The following IL1RAPL1 variants were observed in gnomAD, a reference collection of about 807,000 sequenced individuals.
The protein encoded by IL1RAPL1 is interleukin 1 receptor accessory protein like 1.
In IL1RAPL1, 3 loss-of-function variants were observed where a neutral mutation model predicts 48.4. The ratio of observed to expected loss-of-function variants is 0.06; its 90% CI spans 0.03 to 0.16. The LOEUF is 0.16. Ranked by LOEUF, IL1RAPL1 falls within the 10% of genes least tolerant of loss-of-function variation. IL1RAPL1 has a pLI of 1.00. For missense variants in IL1RAPL1, 349 were observed against 530.6 expected, an observed-to-expected ratio of 0.66 and a Z score of 3.36; for synonymous variants, 185 against 187.7, an observed-to-expected ratio of 0.99 and a Z score of 0.12.
chrX:29,703,342 GTTTA>G (rs1249481870), intron 6 of IL1RAPL1, among the ~76,000 whole-genome samples: 6 of 110,253 alleles, frequency 5.4e-5, no homozygotes, highest in Non-Finnish European at 7.6e-5. Context: ...ATTTTCATTT[GTTTA>G]TTTATTTATT....
chrX:29,458,027 G>C (rs1189160116), intron 5 of IL1RAPL1, among the ~76,000 whole-genome samples: 1 of 111,850 alleles, frequency 8.9e-6, no homozygotes. Flanking sequence ...TGATCCACCT[G>C]CCTCAGCCTC....
At chrX:28,948,462 C>T (rs1213748162) in intron 2 of IL1RAPL1, among the ~76,000 whole-genome samples, 1 of 110,324 alleles carries the variant, frequency 9.1e-6, no homozygotes, top group Non-Finnish European at 1.9e-5. Flanking sequence ...AGGATTGAAC[C>T]CCATGCAGAG....
chrX:29,253,942 A>G (rs1931710452), intron 2 of IL1RAPL1, among the ~76,000 whole-genome samples: 1 of 111,884 alleles, frequency 8.9e-6, no homozygotes, highest in Non-Finnish European at 1.9e-5. Flanking sequence ...AATATTAATG[A>G]AAGTCACATT....
chrX:29,757,494 G>A (rs981546653), intron 6 of IL1RAPL1, among the ~76,000 whole-genome samples: 1 of 112,091 alleles, frequency 8.9e-6, no homozygotes. Context: ...TGATCCAAGG[G>A]TTAAGCAACA....
chrX:29,640,325 A>C (rs1925128335), intron 5 of IL1RAPL1, among the ~76,000 whole-genome samples: 1 of 111,520 alleles, frequency 9.0e-6, no homozygotes, highest in African/African-American at 3.3e-5. Context: ...TCAATCCCAG[A>C]GTGGGGCCCT....
intron 2 of IL1RAPL1, among the ~76,000 whole-genome samples, chrX:29,250,639 T>G (rs2147573106): frequency 8.9e-6 from 1 of 111,864 alleles, no homozygotes; most frequent in Non-Finnish European, 1.9e-5. Context: ...TTTTTCATTG[T>G]ATCATTAAAA....
intron 2 of IL1RAPL1, among the ~76,000 whole-genome samples, chrX:29,016,686 G>T (rs1357605331): frequency 9.0e-6 from 1 of 111,350 alleles, no homozygotes; most frequent in East Asian, 2.8e-4. Context: ...AAGTTTGTGT[G>T]TGTGTAGGTT....
intron 2 of IL1RAPL1, among the ~76,000 whole-genome samples, chrX:28,899,019 G>C (rs1431160762): frequency 1.8e-5 from 2 of 111,398 alleles, no homozygotes; most frequent in African/African-American, 6.5e-5. Flanking sequence ...AAAGGAAAGA[G>C]GTTTAATGAC....
At chrX:29,490,360 C>T (rs892311115) in intron 5 of IL1RAPL1, among the ~76,000 whole-genome samples, 8 of 110,032 alleles carry the variant, frequency 7.3e-5, no homozygotes, top group African/African-American at 2.0e-4. Context: ...GGCAAAACCC[C>T]GTGTCTACAA....
chrX:29,908,375 AATAT>A (rs71761547), intron 6 of IL1RAPL1, among the ~76,000 whole-genome samples: 1,767 of 102,206 alleles, frequency 0.017, 45 homozygotes, highest in African/African-American at 0.06. Flanking sequence ...CCATTTCAAA[AATAT>A]ATATATATAT....
chrX:29,582,536 C>T (rs1431343881), intron 5 of IL1RAPL1, among the ~76,000 whole-genome samples: 8 of 83,489 alleles, frequency 9.6e-5, no homozygotes, highest in Non-Finnish European at 1.6e-4. Context: ...AATGCTATCC[C>T]TCCCCGCTCC....
intron 5 of IL1RAPL1, among the ~76,000 whole-genome samples, chrX:29,457,072 T>G (rs1030377542): frequency 1.8e-5 from 2 of 110,279 alleles, no homozygotes; most frequent in Non-Finnish European, 3.8e-5. Context: ...AGATCTAGTT[T>G]GCAGTGAGCC....
At chrX:29,289,085 G>A (rs1932332417) in intron 3 of IL1RAPL1, among the ~76,000 whole-genome samples, 1 of 110,514 alleles carries the variant, frequency 9.0e-6, no homozygotes, top group Admixed American at 9.6e-5. Context: ...TGGACAGATT[G>A]CAAAAATTTT....
chrX:28,747,180 AC>A (rs1187891530), intron 1 of IL1RAPL1, among the ~76,000 whole-genome samples: 1 of 110,952 alleles, frequency 9.0e-6, no homozygotes, highest in Non-Finnish European at 1.9e-5. Context: ...ATACATTGTT[AC>A]CCCTCCCATT....
Position 29,803,301 on chromosome X carries a change from ATATACACACATGTATATATGTATACATG to A in IL1RAPL1, c.779-114154_779-114127del, listed in dbSNP as rs1569174106. Among the ~76,000 whole-genome samples the A allele has an allele frequency of 1.0e-4, 2 of 19,672 alleles. 1 individual carries two copies. Among genetic ancestry groups the A allele is most frequent in the Non-Finnish European group, 2.0e-4 (2 of 9,761 alleles). The allele number at this position is 19,672 out of a possible 115,157, so 17.1% of individuals were successfully genotyped here. A position where few individuals can be genotyped will look rare whatever the true frequency, so the allele number is the denominator to read the frequency against. On this transcript the variant is annotated intron_variant, in intron 6 of 10. Coordinates refer to ENST00000378993, the MANE Select transcript of IL1RAPL1 (RefSeq NM_014271.4). ...TATACACACATGTATATATGTATACATATACACACATGTATATATGTATACATGTATACACATATGTATATATGTATAC... is the reference window on the plus strand; with the variant it reads ...TATACACACATGTATATATGTATACATATACACATATGTATATATGTATAC...
At chrX:28,756,214 C>T (rs1399757126) in intron 1 of IL1RAPL1, among the ~76,000 whole-genome samples, 2 of 111,751 alleles carry the variant, frequency 1.8e-5, no homozygotes, top group Non-Finnish European at 3.8e-5. Context: ...TTTTTACAGA[C>T]GTTTCTTGTT....
intron 5 of IL1RAPL1, among the ~76,000 whole-genome samples, chrX:29,537,884 T>C (rs1921289868): frequency 9.0e-6 from 1 of 111,711 alleles, no homozygotes; most frequent in South Asian, 3.7e-4. Flanking sequence ...GCAAAACCGA[T>C]TTCTTAATGC....
intron 2 of IL1RAPL1, among the ~76,000 whole-genome samples, chrX:29,250,825 G>C (rs922185449): frequency 9.0e-6 from 1 of 111,266 alleles, no homozygotes; most frequent in Non-Finnish European, 1.9e-5. Context: ...TTACAGAATC[G>C]TAGGACTCCA....
At chrX:28,597,898 C>G (rs754417864) in intron 1 of IL1RAPL1, among the ~76,000 whole-genome samples, 1 of 109,147 alleles carries the variant, frequency 9.2e-6, no homozygotes, top group African/African-American at 3.3e-5. Context: ...AGTTGCCACA[C>G]ACTGTAGCAA....
Sources: allele counts gnomAD v4.1 joint callset (sites outside exome capture counted in the v4.1 genomes callset), GRCh38; gene constraint gnomAD v4.1.1; transcripts MANE v1.5; gene names NCBI Gene and HGNC (gene_info 2026-07-23, HGNC 2026-07-21).